Variants in POLR3A observed in about 807,000 individuals in gnomAD.
The protein encoded by POLR3A is DNA-directed RNA polymerase III subunit RPC1.
A neutral mutation model predicts 152.8 loss-of-function variants in POLR3A; 112 were observed. The ratio of observed to expected loss-of-function variants is 0.73; its 90% CI spans 0.63 to 0.86. POLR3A has a LOEUF of 0.86. Ranked by LOEUF, POLR3A falls within the 40% of genes least tolerant of loss-of-function variation. The pLI is 0.00. For missense variants in POLR3A, 1,385 were observed against 1,743.1 expected (o/e 0.79, Z 3.66); for synonymous variants, 615 against 652.1 (o/e 0.94, Z 0.87).
At chr10:77,999,444 T>C (rs1324292576) in intron 19 of POLR3A, among the ~76,000 whole-genome samples, 3 of 152,138 alleles carry the variant, frequency 2.0e-5, no homozygotes, top group Non-Finnish European at 4.4e-5. Context: ...GTGGTAAAGT[T>C]TGAGAAGCAC....
At chr10:78,013,415 G>T (rs562697624) in intron 11 of POLR3A, 4 of 530,724 alleles carry the variant, frequency 7.5e-6, no homozygotes, top group Non-Finnish European at 1.4e-5. Flanking sequence ...TCCCCTCAAC[G>T]CATCTGTTAC....
chr10:78,002,369 G>T, intron 16 of POLR3A, 61 bp from the exon 17 acceptor site: 1 of 1,058,462 alleles, frequency 9.4e-7, no homozygotes, highest in South Asian at 1.3e-5. Context: ...GATTACAAAT[G>T]TTCAATCTAA....
intron 21 of POLR3A, 34 bp downstream of exon 21, chr10:77,991,020 C>G (rs1045530744): frequency 3.7e-5 from 44 of 1,199,466 alleles, no homozygotes; most frequent in Non-Finnish European, 5.0e-5. Flanking sequence ...GACAGCCAGG[C>G]TGGGTGCAGT....
chr10:77,978,428 G>A (rs186191340), intron 30 of POLR3A, among the ~76,000 whole-genome samples: 157 of 152,298 alleles, frequency 1.0e-3, no homozygotes, highest in African/African-American at 3.6e-3. Flanking sequence ...TGGGGGTGGG[G>A]TGGCAGTGCC....
At chr10:78,001,338 G>A (rs1239779828) in intron 17 of POLR3A, among the ~76,000 whole-genome samples, 2 of 152,156 alleles carry the variant, frequency 1.3e-5, no homozygotes, top group African/African-American at 4.8e-5. Context: ...GGAAGTGACA[G>A]GTGAGTCTTC....
intron 28 of POLR3A, 105 bp downstream of exon 28, chr10:77,982,049 A>C: frequency 1.5e-6 from 1 of 661,014 alleles, no homozygotes; most frequent in Non-Finnish European, 2.3e-6. Context: ...AAAAAAAAAA[A>C]AAAAAAAAAA....
intron 21 of POLR3A, among the ~76,000 whole-genome samples, chr10:77,986,813 A>G (rs1185684029): frequency 6.6e-6 from 1 of 152,180 alleles, no homozygotes; most frequent in East Asian, 1.9e-4. Flanking sequence ...AAGCATCAGT[A>G]TATGCTGCGA....
Position 77,985,225 on chromosome 10 carries a change from T to C in POLR3A, c.3187A>G (p.Ile1063Val). ...FHFAGVASMNITLGVPRIKEI... is the reference protein window; with the variant it reads ...FHFAGVASMNVTLGVPRIKEI... ...TTAATCCGGGGCACGCCCAGGGTGA[T>C]GTTCATGGAGGCCACACCTGCAAAG... Residue 1063 changes from isoleucine to valine, a missense_variant, in exon 24 of 31, where the codon ATC becomes GTC. By Grantham distance (29) the Ile-to-Val change is conservative. Coordinates refer to ENST00000372371, the MANE Select transcript of POLR3A (RefSeq NM_007055.4). 1 of 1,614,148 alleles carries C rather than the reference T, an allele frequency of 6.2e-7. No individual in the cohort carries two copies.
intron 15 of POLR3A, among the ~76,000 whole-genome samples, chr10:78,006,324 G>C (rs575138863): frequency 6.7e-6 from 1 of 149,804 alleles, no homozygotes; most frequent in South Asian, 2.1e-4. Flanking sequence ...TTGAGCCTGG[G>C]AGGCGGAGGT....
At chr10:78,029,251 T>C (rs1281581019) in intron 1 of POLR3A, 113 bp downstream of exon 1, 2 of 1,056,352 alleles carry the variant, frequency 1.9e-6, no homozygotes, top group Admixed American at 3.5e-5. Context: ...TATGGACTAC[T>C]GGCCCTCCCC....
intron 10 of POLR3A, among the ~76,000 whole-genome samples, chr10:78,016,299 T>C (rs1343900256): frequency 1.3e-5 from 2 of 151,326 alleles, no homozygotes; most frequent in Admixed American, 6.6e-5. Context: ...CTAGGCACAG[T>C]GGGTCATACC....
chr10:78,008,517 C>G lies in POLR3A; in HGVS notation c.1910-651G>C, dbSNP rs186633112. ...AGAGTCCTGGAGATCCACTTCTAGT[C>G]CCAAGGTCTCACTAGCAAAGCCCAT... On this transcript the variant is annotated intron_variant, in intron 14 of 30. Transcript: ENST00000372371. Among the ~76,000 whole-genome samples, 17 of 152,278 alleles carry G rather than the reference C, an allele frequency of 1.1e-4. No individual in the cohort carries two copies. In the East Asian group the frequency reaches 2.1e-3, roughly 19 times the overall value.
intron 19 of POLR3A, among the ~76,000 whole-genome samples, chr10:77,995,562 G>C (rs1381763162): frequency 1.3e-5 from 2 of 152,052 alleles, no homozygotes; most frequent in Non-Finnish European, 2.9e-5. Context: ...AAGAGACAAA[G>C]AAGGCCATTA....
intron 11 of POLR3A, 103 bp downstream of exon 11, chr10:78,013,547 G>A (rs958137475): frequency 8.4e-7 from 1 of 1,185,506 alleles, no homozygotes; most frequent in Non-Finnish European, 1.3e-6. Context: ...AAAGAGCCTG[G>A]CTTCTTTGGC....
Position 77,985,185 on chromosome 10 carries a change from G to A in POLR3A, c.3227C>T (p.Ala1076Val), listed in dbSNP as rs1255819472. 1 of 1,613,894 alleles carries A rather than the reference G, an allele frequency of 6.2e-7. No individual in the cohort carries two copies. The highest frequency in any genetic ancestry group is 8.5e-7 in the Non-Finnish European group (1 of 1,179,828). Residue 1076 changes from alanine to valine, a missense_variant, in exon 24 of 31, where the codon GCT (alanine) becomes GTT (valine). Ala to Val is a moderately conservative substitution (Grantham distance 64). This residue lies in a region of POLR3A where 22 missense variants were observed against 59.7 expected (regional missense o/e 0.37). Transcript: ENST00000372371. ...GVPRIKEIIN[A>V]SKAISTPIIT... ...AAGCAGGCACCTGATGGCCTTGGAAGCGTTGATGATCTCTTTAATCCGGGG... is the reference window on the plus strand; with the variant it reads ...AAGCAGGCACCTGATGGCCTTGGAAACGTTGATGATCTCTTTAATCCGGGG...
At chr10:78,000,802 G>A (rs1173595040) in intron 18 of POLR3A, among the ~76,000 whole-genome samples, 174 bp downstream of exon 18, 3 of 152,178 alleles carry the variant, frequency 2.0e-5, no homozygotes, top group African/African-American at 7.2e-5. Context: ...AGAATTTCAG[G>A]CATGAGACAC....
rs1330103333 is a variant in POLR3A at position 77,975,472 on chromosome 10, A to T, written c.*2006T>A. The T allele has an allele frequency of 6.6e-6, 1 of 152,152 alleles. No homozygotes were observed. Among genetic ancestry groups the T allele is most frequent in the Non-Finnish European group, 1.5e-5 (1 of 68,078 alleles). 9.4% of individuals were successfully genotyped at this position (152,152 alleles called of 1,614,324 possible). ...TCCCCCCCTACCCATGGGTGATGTG[A>T]TCCTTCACATAACCATTCTGCTCCA... On this transcript the variant is annotated 3_prime_UTR_variant, in exon 31 of 31. Coordinates refer to ENST00000372371, the MANE Select transcript of POLR3A (RefSeq NM_007055.4).
chr10:78,005,021 G>A (rs748964953), intron 15 of POLR3A, 133 bp from the exon 16 acceptor site: 91 of 739,308 alleles, frequency 1.2e-4, no homozygotes, highest in Non-Finnish European at 2.0e-4. Flanking sequence ...GTATAAAAAA[G>A]TGTATATCTT....
chr10:78,000,598 C>G (rs1192298045), intron 18 of POLR3A, among the ~76,000 whole-genome samples: 1 of 152,238 alleles, frequency 6.6e-6, no homozygotes, highest in Non-Finnish European at 1.5e-5. Flanking sequence ...GATGGCTGCA[C>G]AGCTCTGTGA....
Sources: allele counts gnomAD v4.1 joint callset (sites outside exome capture counted in the v4.1 genomes callset), GRCh38; gene constraint gnomAD v4.1.1; regional missense constraint gnomAD v4.1.1; transcripts MANE v1.5; gene names NCBI Gene and HGNC (gene_info 2026-07-23, HGNC 2026-07-21).